Variants in ANOS1 observed in about 807,000 individuals in gnomAD.
The protein encoded by ANOS1 is anosmin 1, also known as anosmin-1.
ANOS1 carries 6 observed loss-of-function variants against 59.0 expected under a neutral mutation model. The ratio of observed to expected loss-of-function variants is 0.10; its 90% CI spans 0.06 to 0.20. The LOEUF is 0.20. Ranked by LOEUF, ANOS1 falls within the 10% of genes least tolerant of loss-of-function variation. The pLI is 1.00. For synonymous variants in ANOS1, 217 were observed against 223.4 expected (o/e 0.97, Z 0.25); for missense variants, 433 against 542.3 (o/e 0.80, Z 2.00).
At chrX:8,625,956 C>A (rs1408802439) in intron 2 of ANOS1, among the ~76,000 whole-genome samples, 2 of 107,332 alleles carry the variant, frequency 1.9e-5, no homozygotes, top group African/African-American at 6.8e-5. Context: ...ACTAAAAATA[C>A]AAAAAATTAG....
intron 7 of ANOS1, among the ~76,000 whole-genome samples, chrX:8,568,652 G>A (rs1255559485): frequency 9.1e-6 from 1 of 109,553 alleles, no homozygotes; most frequent in Non-Finnish European, 1.9e-5. Flanking sequence ...GGGCAACATA[G>A]CAAGACTGTC....
At chrX:8,624,413 T>C (rs937984028) in intron 2 of ANOS1, among the ~76,000 whole-genome samples, 1 of 112,232 alleles carries the variant, frequency 8.9e-6, no homozygotes. Context: ...GGCTATTTTT[T>C]GTACACTCTT....
intron 1 of ANOS1, among the ~76,000 whole-genome samples, chrX:8,719,987 C>T (rs1384611715): frequency 1.8e-5 from 2 of 111,625 alleles, no homozygotes; most frequent in Non-Finnish European, 3.8e-5. Flanking sequence ...TAAAGAACCC[C>T]AAAACTTCAC....
intron 1 of ANOS1, among the ~76,000 whole-genome samples, chrX:8,730,580 A>ACCC (rs61212461): frequency 2.5e-5 from 2 of 79,365 alleles, no homozygotes; most frequent in Non-Finnish European, 5.0e-5. Context: ...CTCTAGGGGG[A>ACCC]CCCCCCCCCC....
chrX:8,566,674 G>T (rs1456948380), intron 8 of ANOS1, among the ~76,000 whole-genome samples: 1 of 110,818 alleles, frequency 9.0e-6, no homozygotes, highest in African/African-American at 3.3e-5. Flanking sequence ...AGAACTTTTA[G>T]GTAAAATTTA....
chrX:8,725,019 A>G (rs1243214718), intron 1 of ANOS1, among the ~76,000 whole-genome samples: 4 of 111,940 alleles, frequency 3.6e-5, no homozygotes, highest in African/African-American at 1.3e-4. Context: ...AAGGTAGCTG[A>G]CTTCAGAACC....
intron 2 of ANOS1, among the ~76,000 whole-genome samples, chrX:8,662,403 C>G (rs927941263): frequency 6.3e-5 from 7 of 111,810 alleles, no homozygotes; most frequent in African/African-American, 2.0e-4. Context: ...TGGTTTTCAT[C>G]TTCGCGGGCC....
At chrX:8,547,114 C>A (rs898229798) in intron 9 of ANOS1, among the ~76,000 whole-genome samples, 13 of 111,902 alleles carry the variant, frequency 1.2e-4, no homozygotes, top group Admixed American at 8.6e-4. Context: ...CGTGCTCTCT[C>A]TGAACTTTTC....
intron 2 of ANOS1, among the ~76,000 whole-genome samples, chrX:8,632,881 T>C (rs1931511814): frequency 9.0e-6 from 1 of 111,206 alleles, no homozygotes; most frequent in African/African-American, 3.3e-5. Flanking sequence ...TCTGAATTAA[T>C]GGCAGCAAGT....
intron 3 of ANOS1, among the ~76,000 whole-genome samples, chrX:8,612,551 G>GTTTT (rs60402454): frequency 0.032 from 1,956 of 60,725 alleles, 46 homozygotes; most frequent in African/African-American, 0.088. Flanking sequence ...AAAACAAGAA[G>GTTTT]TTTTTTTTTT....
intron 8 of ANOS1, chrX:8,566,308 C>T (rs943174194): frequency 8.6e-5 from 61 of 707,456 alleles, no homozygotes; most frequent in Non-Finnish European, 9.7e-5. Context: ...AATACATCAT[C>T]GTGCTAGGAA....
intron 2 of ANOS1, among the ~76,000 whole-genome samples, chrX:8,659,394 G>A (rs1314991841): frequency 9.1e-6 from 1 of 109,914 alleles, no homozygotes; most frequent in Non-Finnish European, 1.9e-5. Context: ...CTGAGCGACA[G>A]AGTGAGACTC....
At chrX:8,582,608 T>G (rs1329000046) in intron 6 of ANOS1, among the ~76,000 whole-genome samples, 1 of 111,310 alleles carries the variant, frequency 9.0e-6, no homozygotes, top group Non-Finnish European at 1.9e-5. Context: ...GTGGCTCAGA[T>G]TTTAGAAGGA....
At chrX:8,595,365 G>T (rs1169651644) in intron 4 of ANOS1, among the ~76,000 whole-genome samples, 1 of 111,398 alleles carries the variant, frequency 9.0e-6, no homozygotes, top group Non-Finnish European at 1.9e-5. Context: ...ACATCACTTG[G>T]TAAGAAGAGA....
At chrX:8,630,631 G>GAGT (rs1329043650) in intron 2 of ANOS1, among the ~76,000 whole-genome samples, 1 of 111,670 alleles carries the variant, frequency 9.0e-6, no homozygotes, top group African/African-American at 3.3e-5. Context: ...ATGGAGTGGG[G>GAGT]AGTATGGTGT....
chrX:8,563,361 CA>C (rs772318087), intron 8 of ANOS1, among the ~76,000 whole-genome samples: 50 of 112,203 alleles, frequency 4.5e-4, no homozygotes, highest in African/African-American at 1.6e-3. Flanking sequence ...GACCTTAACA[CA>C]GGGAATCAAC....
chrX:8,594,698 A>AT (rs1930694980), intron 4 of ANOS1, among the ~76,000 whole-genome samples: 1 of 49,007 alleles, frequency 2.0e-5, no homozygotes, highest in Non-Finnish European at 3.6e-5. Flanking sequence ...ATATATATAT[A>AT]CACATATATA....
At chrX:8,658,158 G>A (rs1931965663) in intron 2 of ANOS1, among the ~76,000 whole-genome samples, 1 of 112,014 alleles carries the variant, frequency 8.9e-6, no homozygotes. Flanking sequence ...GTATTGGCAA[G>A]CACCATGGAA....
At chrX:8,611,256 A>AAAATAAAT (rs58514297) in intron 3 of ANOS1, among the ~76,000 whole-genome samples, 39 of 103,238 alleles carry the variant, frequency 3.8e-4, no homozygotes, top group African/African-American at 6.4e-4. Context: ...ACAATGATTT[A>AAAATAAAT]AAATAAATAA....
Sources: gnomAD v4.1 joint callset for allele counts (sites outside exome capture counted in the v4.1 genomes callset) on GRCh38, gnomAD v4.1.1 for gene constraint, MANE v1.5 for transcripts, NCBI Gene and HGNC (gene_info 2026-07-23, HGNC 2026-07-21) for gene names.